The following CAPN1 variants were observed in gnomAD, a reference collection of about 807,000 sequenced individuals.
The protein encoded by CAPN1 is calpain-1 catalytic subunit.
In CAPN1, 77 loss-of-function variants were observed where a neutral mutation model predicts 105.2. The ratio of observed to expected loss-of-function variants is 0.73; its 90% CI spans 0.61 to 0.88. CAPN1 has a LOEUF of 0.88. Ranked by LOEUF, CAPN1 falls within the 40% of genes least tolerant of loss-of-function variation. The pLI is 0.00. For missense variants in CAPN1, 833 were observed against 976.6 expected (o/e 0.85, Z 1.96); for synonymous variants, 355 against 388.8 (o/e 0.91, Z 1.02).
intron 10 of CAPN1, among the ~76,000 whole-genome samples, chr11:65,192,397 G>A (rs760067721): frequency 1.3e-5 from 2 of 152,158 alleles, no homozygotes; most frequent in Non-Finnish European, 2.9e-5. Context: ...TGTACAGTGA[G>A]GTGGGAAGTA....
chr11:65,197,321 A>G (rs1256110382), intron 10 of CAPN1, among the ~76,000 whole-genome samples: 1 of 152,140 alleles, frequency 6.6e-6, no homozygotes, highest in Non-Finnish European at 1.5e-5. Context: ...ATATATTTTG[A>G]GCTATGATAT....
At chr11:65,181,503 G>A, upstream of CAPN1, 2 of 300,902 alleles carry the variant, frequency 6.6e-6, no homozygotes, top group Non-Finnish European at 1.3e-5. The surrounding 1 kb of genome is among the most constrained non-coding windows in gnomAD (Gnocchi z 4.6). Flanking sequence ...GCGGGCCCGG[G>A]GCTGCGGGAG....
chr11:65,204,404 G>T (rs916228926), intron 10 of CAPN1, among the ~76,000 whole-genome samples: 1 of 152,036 alleles, frequency 6.6e-6, no homozygotes. Context: ...CAGCGCATAG[G>T]TCCCCTACTC....
chr11:65,202,697 C>A (rs1948889102), intron 10 of CAPN1, among the ~76,000 whole-genome samples: 1 of 152,092 alleles, frequency 6.6e-6, no homozygotes, highest in Admixed American at 6.6e-5. Flanking sequence ...GCTGCCTCAG[C>A]CTCCCAAAGT....
At position 65,208,340 on chromosome 11, in the gene CAPN1, C is replaced by A; in HGVS notation, c.1729+78C>A. ...TCCAGGCTCCTGCTCACACATTGAG[C>A]TGAACCTCATCCCTTGGTCTGCATG... On this transcript the variant is annotated intron_variant, in intron 16 of 21. Coordinates refer to ENST00000279247, the MANE Select transcript of CAPN1 (RefSeq NM_005186.4). The surrounding 1 kb of genome is among the most constrained non-coding windows in gnomAD (Gnocchi z 4.1). 1 of 1,340,926 alleles carries A rather than the reference C, an allele frequency of 7.5e-7. No individual in the cohort carries two copies. Among genetic ancestry groups the A allele is most frequent in the Non-Finnish European group, 1.0e-6 (1 of 955,982 alleles). The allele number at this position is 1,340,926 out of a possible 1,614,324, so 83.1% of individuals were successfully genotyped here.
rs529340896 is a variant in CAPN1, at chr11:65,193,124, G to A, written c.1165+4378G>A. ...GCCTCCCGAGTAGCTGGGACTACAG[G>A]TGCCCACCACCACGCCTGGCTAATT... On this transcript the variant is annotated intron_variant, in intron 10 of 21. Coordinates refer to ENST00000279247, the MANE Select transcript of CAPN1 (RefSeq NM_005186.4). 1.4e-3 allele frequency among the ~76,000 whole-genome samples: 204 copies of A among 150,786 alleles called. 2 individuals carry two copies. Among genetic ancestry groups the A allele is most frequent in the African/African-American group, 4.5e-3 (186 of 41,072 alleles).
At chr11:65,202,668 C>T (rs1195796443) in intron 10 of CAPN1, among the ~76,000 whole-genome samples, 3 of 152,080 alleles carry the variant, frequency 2.0e-5, no homozygotes, top group Non-Finnish European at 4.4e-5. Context: ...GTCTCAAACT[C>T]CTGACCTTAG....
At chr11:65,183,940 G>A (rs1174848869) in intron 4 of CAPN1, among the ~76,000 whole-genome samples, 1 of 152,158 alleles carries the variant, frequency 6.6e-6, no homozygotes, top group Non-Finnish European at 1.5e-5. Context: ...AGATCAGCAC[G>A]TGTGGCCTTC....
Position 65,183,197 on chromosome 11 carries a change from G to A in CAPN1, c.337G>A (p.Gly113Arg). ...CACAGACATCTGCCAGGGAGCACTG[G>A]GTAGGCCCCCAGGGCGTCGGGTCCC... ...TRTDICQGALGDCWLLAAIAS... is the reference protein window; with the variant it reads ...TRTDICQGALRDCWLLAAIAS... The change falls in exon 3 of 22, where the codon GGG becomes AGG. Residue 113 changes from glycine (G) to arginine (R), a missense_variant and splice_region_variant. By Grantham distance (125) the Gly-to-Arg change is moderately radical (BLOSUM62 -2). Transcript: ENST00000279247. 3 of 1,613,868 alleles carry A rather than the reference G, an allele frequency of 1.9e-6. No individual in the cohort carries two copies. Among genetic ancestry groups the A allele is most frequent in the Non-Finnish European group, 2.5e-6 (3 of 1,179,774 alleles).
intron 11 of CAPN1, among the ~76,000 whole-genome samples, 197 bp downstream of exon 11, chr11:65,205,055 C>G (rs773164513): frequency 1.8e-4 from 28 of 152,172 alleles, no homozygotes; most frequent in Admixed American, 6.5e-5. Flanking sequence ...GCCCTCTGGC[C>G]GAAAGAGAGG....
At position 65,198,808 on chromosome 11, in the gene CAPN1, T is replaced by C. The variant is rs551029706; in HGVS notation, c.1166-5875T>C. Among the ~76,000 whole-genome samples the C allele has an allele frequency of 2.0e-5, 3 of 152,238 alleles. No individual in the cohort carries two copies. In the South Asian group the frequency reaches 6.2e-4, roughly 32 times the overall value. On this transcript the variant is annotated intron_variant, in intron 10 of 21. Transcript: ENST00000279247. ...TCAAGTAGCTAGGACTACAGGCACA[T>C]GCCACCATGCCCAGATAATTTTTTT...
chr11:65,204,695 T>C lies in CAPN1; in HGVS notation c.1178T>C (p.Val393Ala), dbSNP rs780990234. 51 of 1,611,876 alleles carry C rather than the reference T, an allele frequency of 3.2e-5. No individual in the cohort carries two copies. The East Asian group carries it at 1.1e-3, about 36-fold the overall frequency. ...CACCTGCCCGCAGCCACCTTCTGGG[T>C]GAACCCTCAGTTCAAGATCCGGCTG... ...GCRNYPATFW[V>A]NPQFKIRLDE... Residue 393 changes from valine (V) to alanine (A), a missense_variant, in exon 11 of 22, where the codon GTG (valine) becomes GCG (alanine). By Grantham distance (64) the Val-to-Ala change is moderately conservative. Transcript: ENST00000279247.
In CAPN1 at chr11:65,210,224, C is replaced by T. The variant is rs537209289; in HGVS notation, c.1943-112C>T. 36 of 1,115,822 alleles carry T rather than the reference C, an allele frequency of 3.2e-5. No individual in the cohort carries two copies. Among genetic ancestry groups the T allele is most frequent in the Middle Eastern group, 2.0e-4 (1 of 5,110 alleles). 69.1% of individuals were successfully genotyped at this position (1,115,822 alleles called of 1,614,324 possible). A position where few individuals can be genotyped will look rare whatever the true frequency, so the allele number is the denominator to read the frequency against. On this transcript the variant is annotated intron_variant, in intron 19 of 21. Coordinates refer to ENST00000279247, the MANE Select transcript of CAPN1 (RefSeq NM_005186.4). This position sits in a 1 kb window ranked among gnomAD's most constrained non-coding sequence, Gnocchi z 4.3. ...AACAGCCATCTTGTCCTTTTCCCCA[C>T]GGTTACTAGCACCCTGCCTAGCCCC...
At chr11:65,205,590 C>T (rs1028997619) in intron 11 of CAPN1, 120 bp from the exon 12 acceptor site, 6 of 969,692 alleles carry the variant, frequency 6.2e-6, no homozygotes, top group African/African-American at 1.6e-5. Flanking sequence ...CAGGGCCCTG[C>T]CTTCTGCCTC....
chr11:65,195,096 T>G (rs530223784), intron 10 of CAPN1, among the ~76,000 whole-genome samples: 199 of 134,006 alleles, frequency 1.5e-3, no homozygotes, highest in African/African-American at 5.5e-3. Flanking sequence ...TGAAGTTTTT[T>G]GGGGTTTTTT....
intron 3 of CAPN1, 56 bp downstream of exon 3, chr11:65,183,253 C>G (rs1010233435): frequency 5.3e-6 from 8 of 1,515,338 alleles, no homozygotes; most frequent in Non-Finnish European, 7.3e-6. Context: ...TTCCCCATTC[C>G]CGCTCCTTCA....
intron 1 of CAPN1, 147 bp from the exon 2 acceptor site, chr11:65,182,552 ACC>A (rs1212398436): frequency 2.5e-6 from 2 of 794,052 alleles, no homozygotes; most frequent in Non-Finnish European, 3.8e-6. Flanking sequence ...GTGGCTGAGA[ACC>A]CTACTTCTGT....
Position 65,210,115 on chromosome 11 carries a change from C to A in CAPN1, c.1942+19C>A. The A allele has an allele frequency of 6.2e-7, 1 of 1,603,968 alleles. No homozygotes were observed. Among genetic ancestry groups the A allele is most frequent in the Non-Finnish European group, 8.5e-7 (1 of 1,172,350 alleles). ...TCGGCAGGTGAGACTCCAAGGCTGA[C>A]GGCACCTGTGGGGCCCAGGACAGGT... On this transcript the variant is annotated intron_variant, in intron 19 of 21. Coordinates refer to ENST00000279247, the MANE Select transcript of CAPN1 (RefSeq NM_005186.4). This position sits in a 1 kb window ranked among gnomAD's most constrained non-coding sequence, Gnocchi z 4.3.
In CAPN1 at chr11:65,209,299, T is replaced by G. The variant is rs772211499; in HGVS notation, c.1730-24T>G. The stretch of plus-strand genomic sequence containing the variant: ...GTGCAGGAAGCTCACTAGGTGGAGA[T>G]GTTGGAATTGGTTTTTCTTGCAGAC... On this transcript the variant is annotated intron_variant, in intron 16 of 21. Coordinates refer to ENST00000279247, the MANE Select transcript of CAPN1 (RefSeq NM_005186.4). This position sits in a 1 kb window ranked among gnomAD's most constrained non-coding sequence, Gnocchi z 4.1. 1 of 1,607,244 alleles carries G rather than the reference T, an allele frequency of 6.2e-7. No homozygotes were observed. Among genetic ancestry groups the G allele is most frequent in the Non-Finnish European group, 8.5e-7 (1 of 1,175,044 alleles).
Sources: gnomAD v4.1 joint callset for allele counts (sites outside exome capture counted in the v4.1 genomes callset) on GRCh38, gnomAD v4.1.1 for gene constraint, Gnocchi (gnomAD v3.1) non-coding constraint, MANE v1.5 for transcripts, NCBI Gene and HGNC (gene_info 2026-07-23, HGNC 2026-07-21) for gene names.